CENPP: variants seen among roughly 807,000 people sequenced by gnomAD.
The protein encoded by CENPP is centromere protein P.
CENPP carries 24 observed loss-of-function variants against 35.6 expected under a neutral mutation model. The ratio of observed to expected loss-of-function variants is 0.67; its 90% CI spans 0.49 to 0.95. CENPP has a LOEUF of 0.95. Ranked by LOEUF, CENPP falls within the 40% of genes least tolerant of loss-of-function variation. The probability of loss-of-function intolerance (pLI) is 0.00; values close to 1 mark genes in which losing one functional copy is unlikely to be tolerated. For synonymous variants in CENPP, 120 were observed against 125.5 expected (o/e 0.96, Z 0.29); for missense variants, 332 against 345.3 (o/e 0.96, Z 0.31).
chr9:92,537,112 G>A (rs935993765), intron 5 of CENPP, among the ~76,000 whole-genome samples: 4 of 151,536 alleles, frequency 2.6e-5, no homozygotes, highest in Non-Finnish European at 5.9e-5. Flanking sequence ...TTGACCTCAT[G>A]TGATCCACCC....
At chr9:92,470,192 A>G (rs1380067195) in intron 5 of CENPP, among the ~76,000 whole-genome samples, 1 of 152,244 alleles carries the variant, frequency 6.6e-6, no homozygotes, top group Non-Finnish European at 1.5e-5. Context: ...ATACTAATAC[A>G]GTAAAGAAAA....
At chr9:92,420,001 G>A (rs561039984) in intron 5 of CENPP, among the ~76,000 whole-genome samples, 8 of 152,114 alleles carry the variant, frequency 5.3e-5, no homozygotes, top group Non-Finnish European at 8.8e-5. Flanking sequence ...TGTAACTATT[G>A]TGTGTATTTG....
intron 4 of CENPP, among the ~76,000 whole-genome samples, chr9:92,363,746 C>G (rs913443088): frequency 4.6e-5 from 7 of 152,128 alleles, no homozygotes; most frequent in African/African-American, 1.7e-4. Flanking sequence ...TACATACTAT[C>G]ATTTCACATT....
intron 5 of CENPP, among the ~76,000 whole-genome samples, chr9:92,524,759 G>A (rs1169762194): frequency 6.6e-6 from 1 of 152,138 alleles, no homozygotes; most frequent in Non-Finnish European, 1.5e-5. Context: ...TCTTTTTAAT[G>A]GGAATTTAAG....
At chr9:92,544,861 G>A (rs950430568) in intron 5 of CENPP, among the ~76,000 whole-genome samples, 4 of 151,880 alleles carry the variant, frequency 2.6e-5, no homozygotes, top group South Asian at 2.1e-4. Flanking sequence ...GAGTACAGGC[G>A]CATGCCACCA....
chr9:92,567,397 G>GATAGATATATATATATAT (rs1318149536), intron 5 of CENPP, among the ~76,000 whole-genome samples: 1 of 51,584 alleles, frequency 1.9e-5, no homozygotes, highest in Non-Finnish European at 3.9e-5. Flanking sequence ...TATATATATA[G>GATAGATATATATATATAT]ATATATATAT....
intron 4 of CENPP, among the ~76,000 whole-genome samples, chr9:92,378,632 G>A (rs1842176280): frequency 1.3e-5 from 2 of 152,084 alleles, no homozygotes; most frequent in Admixed American, 6.6e-5. Context: ...ATCATTACTG[G>A]TACAGGAACT....
intron 5 of CENPP, among the ~76,000 whole-genome samples, chr9:92,581,786 G>A (rs1850431911): frequency 6.6e-6 from 1 of 152,154 alleles, no homozygotes; most frequent in African/African-American, 2.4e-5. Context: ...ATGTCAAACA[G>A]TGACTGTATA....
chr9:92,480,992 C>T (rs1198810914), intron 5 of CENPP, among the ~76,000 whole-genome samples: 4 of 152,198 alleles, frequency 2.6e-5, no homozygotes, highest in Non-Finnish European at 5.9e-5. Flanking sequence ...AGAAGTATAA[C>T]TAGCATTCTG....
intron 5 of CENPP, among the ~76,000 whole-genome samples, chr9:92,386,804 G>A (rs780983330): frequency 5.9e-5 from 9 of 151,956 alleles, no homozygotes; most frequent in Admixed American, 1.3e-4. Context: ...GTATGGTATC[G>A]ATTTCCTGAC....
chr9:92,420,565 C>T (rs565393355), intron 5 of CENPP, among the ~76,000 whole-genome samples: 23 of 152,336 alleles, frequency 1.5e-4, no homozygotes, highest in East Asian at 5.8e-4. Context: ...CTCTCTTCTA[C>T]GCTACTGTTT....
At chr9:92,369,874 G>A (rs1241893007) in intron 4 of CENPP, among the ~76,000 whole-genome samples, 1 of 152,144 alleles carries the variant, frequency 6.6e-6, no homozygotes, top group Non-Finnish European at 1.5e-5. Flanking sequence ...ATGTTGAATA[G>A]GAGTGATAGA....
At chr9:92,496,439 T>C (rs1252124091) in intron 5 of CENPP, 1 of 1,608,414 alleles carries the variant, frequency 6.2e-7, no homozygotes, top group African/African-American at 1.3e-5. Flanking sequence ...CAGATTTGAG[T>C]CATCATCCTC....
At position 92,360,953 on chromosome 9, in the gene CENPP, C is replaced by T. The variant is rs934462862; in HGVS notation, c.467+15166C>T. On this transcript the variant is annotated intron_variant, in intron 4 of 7. Transcript: ENST00000375587. ...CGATCTCCTGACCTCGTGATCCGCC[C>T]GCCTCGGCCTCCCAAAGTGCTGGGA... 8.4e-4 allele frequency among the ~76,000 whole-genome samples: 128 copies of T among 151,974 alleles called. 2 individuals carry two copies. The highest frequency in any genetic ancestry group is 3.4e-3 in the Middle Eastern group (1 of 294).
chr9:92,504,875 A>T (rs76928405), intron 5 of CENPP, among the ~76,000 whole-genome samples: 186 of 152,272 alleles, frequency 1.2e-3, no homozygotes, highest in African/African-American at 4.1e-3. Context: ...AGGGGTGTTG[A>T]CATTCATCAG....
At chr9:92,454,229 C>T (rs1844804629) in intron 5 of CENPP, among the ~76,000 whole-genome samples, 1 of 152,136 alleles carries the variant, frequency 6.6e-6, no homozygotes, top group Non-Finnish European at 1.5e-5. Context: ...TGGCTAACAG[C>T]TGGAAGATTG....
intron 5 of CENPP, chr9:92,514,835 C>T: frequency 6.2e-7 from 1 of 1,611,934 alleles, no homozygotes; most frequent in Non-Finnish European, 8.5e-7. Flanking sequence ...TCCTCATCCT[C>T]CTCACCCTCC....
intron 5 of CENPP, among the ~76,000 whole-genome samples, chr9:92,434,918 G>A (rs530290443): frequency 3.9e-5 from 6 of 152,194 alleles, no homozygotes; most frequent in African/African-American, 1.4e-4. Context: ...GGGGCGTGGT[G>A]GTGCACGCCT....
chr9:92,494,099 G>C (rs1444051473), intron 5 of CENPP: 2 of 1,597,566 alleles, frequency 1.3e-6, no homozygotes, highest in Non-Finnish European at 8.5e-7. Flanking sequence ...GAGAGGAAAG[G>C]CCACATCTGA....
Sources: allele counts gnomAD v4.1 joint callset (sites outside exome capture counted in the v4.1 genomes callset), GRCh38; gene constraint gnomAD v4.1.1; transcripts MANE v1.5; gene names NCBI Gene and HGNC (gene_info 2026-07-23, HGNC 2026-07-21).